DLG2: variants seen among roughly 807,000 people sequenced by gnomAD.
DLG2 encodes disks large homolog 2.
In DLG2, 45 loss-of-function variants were observed where a neutral mutation model predicts 132.5. The ratio of observed to expected loss-of-function variants is 0.34; its 90% confidence interval spans 0.27 to 0.44. The LOEUF is 0.44. Among genes scored for constraint, DLG2 ranks in the 20% least tolerant of loss-of-function variants. DLG2 has a pLI of 1.00. For synonymous variants in DLG2, 424 were observed against 419.6 expected (o/e 1.01, Z -0.13); for missense variants, 1,045 against 1,196.9 (o/e 0.87, Z 1.87).
At chr11:84,720,463 G>C (rs772232408) in intron 6 of DLG2, 3 of 985,158 alleles carry the variant, frequency 3.0e-6, no homozygotes, top group Admixed American at 6.1e-5. Flanking sequence ...CGGGCACATG[G>C]AGCGACAGCC....
At chr11:84,273,847 G>C (rs1342980556) in intron 7 of DLG2, among the ~76,000 whole-genome samples, 3 of 152,140 alleles carry the variant, frequency 2.0e-5, no homozygotes, top group South Asian at 4.1e-4. Flanking sequence ...TTCACCTACA[G>C]AGTATTACTG....
At chr11:84,939,407 T>C (rs899069506) in intron 6 of DLG2, among the ~76,000 whole-genome samples, 2 of 150,030 alleles carry the variant, frequency 1.3e-5, no homozygotes, top group Admixed American at 6.6e-5. Context: ...TTATAAACAT[T>C]CCAATTTTAC....
At chr11:83,955,295 A>G (rs1306457294) in intron 14 of DLG2, among the ~76,000 whole-genome samples, 2 of 152,196 alleles carry the variant, frequency 1.3e-5, no homozygotes, top group African/African-American at 4.8e-5. Flanking sequence ...AAACCTAAGC[A>G]GGGTAGCTCC....
chr11:84,194,040 A>G (rs1361944270), intron 8 of DLG2, among the ~76,000 whole-genome samples: 3 of 152,210 alleles, frequency 2.0e-5, no homozygotes, highest in Non-Finnish European at 4.4e-5. Context: ...GAGACAATAT[A>G]ATTCTTCATC....
At chr11:84,502,327 T>C (rs1489762148) in intron 7 of DLG2, among the ~76,000 whole-genome samples, 11 of 17,510 alleles carry the variant, frequency 6.3e-4, no homozygotes, top group South Asian at 3.4e-3. Context: ...TCTTTCTTTC[T>C]TTCTTTCTTT....
intron 6 of DLG2, among the ~76,000 whole-genome samples, chr11:84,808,739 C>A (rs2076256482): frequency 6.6e-6 from 1 of 151,846 alleles, no homozygotes; most frequent in African/African-American, 2.4e-5. Context: ...ACACAAACTA[C>A]CACAAGCAAC....
intron 6 of DLG2, among the ~76,000 whole-genome samples, chr11:84,707,574 C>A (rs141200518): frequency 2.6e-5 from 4 of 151,756 alleles, no homozygotes; most frequent in Non-Finnish European, 4.4e-5. Context: ...TATAAGAGTA[C>A]AATAGGTTGT....
In DLG2 at chr11:84,252,617, G is replaced by A. The variant is rs533632470; in HGVS notation, c.520-1326C>T. Among the ~76,000 whole-genome samples, 35 of 152,172 alleles carry A rather than the reference G, an allele frequency of 2.3e-4. 1 individual carries two copies. In the South Asian group the frequency reaches 7.3e-3, roughly 32 times the overall value. The stretch of plus-strand genomic sequence containing the variant: ...GGGAATCTGTGTAAAACTGATACAG[G>A]AGTGCTACAAGGCAAATCACTAGAA... On this transcript the variant is annotated intron_variant, in intron 7 of 27. Transcript: ENST00000376104.
chr11:83,575,020 T>C (rs1303655127), intron 19 of DLG2, among the ~76,000 whole-genome samples: 1 of 152,202 alleles, frequency 6.6e-6, no homozygotes, highest in African/African-American at 2.4e-5. Flanking sequence ...CTAAGTAAGT[T>C]TGATTAGCTG....
intron 3 of DLG2, among the ~76,000 whole-genome samples, chr11:85,556,631 A>T (rs1344491889): frequency 6.6e-6 from 1 of 151,884 alleles, no homozygotes; most frequent in African/African-American, 2.4e-5. Flanking sequence ...TATTAAGATC[A>T]TTTTCCTAAA....
intron 14 of DLG2, among the ~76,000 whole-genome samples, chr11:83,937,625 A>C (rs533091170): frequency 6.6e-6 from 1 of 152,304 alleles, no homozygotes; most frequent in Non-Finnish European, 1.5e-5. Flanking sequence ...ATGCTCCTAC[A>C]ACTCAATAAG....
chr11:83,994,979 ATTTTTTT>A (rs67876577), intron 11 of DLG2, among the ~76,000 whole-genome samples: 2 of 136,288 alleles, frequency 1.5e-5, no homozygotes, highest in Non-Finnish European at 3.2e-5. Context: ...TTCTGTGTCC[ATTTTTTT>A]TTTTTTTTTG....
chr11:85,615,662 T>C (rs887481287), intron 2 of DLG2, among the ~76,000 whole-genome samples: 2 of 152,232 alleles, frequency 1.3e-5, no homozygotes, highest in African/African-American at 4.8e-5. Flanking sequence ...AAAGCAGACC[T>C]GAAGACTGCA....
chr11:84,315,852 C>A (rs1042523573), intron 7 of DLG2, among the ~76,000 whole-genome samples: 1 of 152,062 alleles, frequency 6.6e-6, no homozygotes, highest in Non-Finnish European at 1.5e-5. Context: ...ATTCTCTGCA[C>A]CTGTCACCAT....
chr11:83,759,464 T>C (rs1454651460), intron 18 of DLG2, among the ~76,000 whole-genome samples: 3 of 152,208 alleles, frequency 2.0e-5, no homozygotes, highest in Admixed American at 2.0e-4. Flanking sequence ...TTTCTTTTAA[T>C]TAGCACAACT....
chr11:85,256,265 G>A (rs1316883214), intron 4 of DLG2, among the ~76,000 whole-genome samples: 1 of 152,136 alleles, frequency 6.6e-6, no homozygotes, highest in African/African-American at 2.4e-5. Context: ...AACATCAAAA[G>A]GAGTTCGGCT....
intron 13 of DLG2, 132 bp from the exon 14 acceptor site, chr11:83,963,155 A>G (rs1466220186): frequency 9.7e-6 from 9 of 927,494 alleles, no homozygotes; most frequent in Non-Finnish European, 1.3e-5. Flanking sequence ...GTCCTCCCAG[A>G]GGGGGGAGTT....
intron 3 of DLG2, among the ~76,000 whole-genome samples, chr11:85,401,980 AT>A (rs1250350270): frequency 6.6e-6 from 1 of 151,500 alleles, no homozygotes; most frequent in Non-Finnish European, 1.5e-5. Context: ...CAGAGAATTA[AT>A]AAAAAACTAC....
chr11:85,087,449 G>A (rs971248744), intron 6 of DLG2, among the ~76,000 whole-genome samples: 2 of 152,178 alleles, frequency 1.3e-5, no homozygotes, highest in Non-Finnish European at 2.9e-5. Context: ...AAGCCCTTAG[G>A]CAAGAAGCCC....
Sources: gnomAD v4.1 joint callset for allele counts (sites outside exome capture counted in the v4.1 genomes callset) on GRCh38, gnomAD v4.1.1 for gene constraint, MANE v1.5 for transcripts, NCBI Gene and HGNC (gene_info 2026-07-23, HGNC 2026-07-21) for gene names.